KLHL3: variants seen among roughly 807,000 people sequenced by gnomAD.
The protein encoded by KLHL3 is kelch like family member 3, also known as kelch-like protein 3.
A neutral mutation model predicts 70.5 loss-of-function variants in KLHL3; 19 were observed. The ratio of observed to expected loss-of-function variants is 0.27; its 90% CI spans 0.19 to 0.40. KLHL3 has a LOEUF of 0.40. Among genes scored for constraint, KLHL3 ranks in the 10% least tolerant of loss-of-function variants. The pLI, the probability that KLHL3 is intolerant of heterozygous loss-of-function variation, is 1.00. For missense variants in KLHL3, 512 were observed against 771.1 expected, an observed-to-expected ratio of 0.66 and a Z score of 3.98; for synonymous variants, 258 against 290.3, an observed-to-expected ratio of 0.89 and a Z score of 1.13.
chr5:137,673,296 A>G (rs1751807340), intron 6 of KLHL3, among the ~76,000 whole-genome samples: 1 of 152,158 alleles, frequency 6.6e-6, no homozygotes, highest in Non-Finnish European at 1.5e-5. Context: ...CCAGCCTGCC[A>G]CCACTGGACA....
chr5:137,627,057 C>T (rs1239779773), intron 13 of KLHL3, among the ~76,000 whole-genome samples: 1 of 151,502 alleles, frequency 6.6e-6, no homozygotes, highest in Non-Finnish European at 1.5e-5. Flanking sequence ...AATGTGTGTA[C>T]TAATTTAGCT....
chr5:137,663,564 C>T (rs774250682), intron 6 of KLHL3, among the ~76,000 whole-genome samples: 49 of 151,438 alleles, frequency 3.2e-4, no homozygotes, highest in Non-Finnish European at 6.6e-4. Context: ...TATAAGATTG[C>T]TTATAATACC....
chr5:137,734,923 C>T (rs1354763044), intron 1 of KLHL3, among the ~76,000 whole-genome samples: 3 of 152,312 alleles, frequency 2.0e-5, no homozygotes, highest in East Asian at 3.9e-4. Context: ...CTAACTGCCT[C>T]GCTAGTTAGA....
intron 3 of KLHL3, among the ~76,000 whole-genome samples, chr5:137,700,229 C>T (rs1561612203): frequency 6.6e-6 from 1 of 152,224 alleles, no homozygotes; most frequent in Non-Finnish European, 1.5e-5. Flanking sequence ...CAAAAACATG[C>T]ATACACAAGG....
intron 1 of KLHL3, chr5:137,724,998 A>G (rs1753064495): frequency 1.0e-6 from 1 of 975,210 alleles, no homozygotes; most frequent in Non-Finnish European, 1.2e-6. Context: ...CTAAGGTCAC[A>G]TGCCCAGGCA....
chr5:137,680,725 G>A (rs913791210), intron 5 of KLHL3, among the ~76,000 whole-genome samples: 1 of 152,014 alleles, frequency 6.6e-6, no homozygotes, highest in African/African-American at 2.4e-5. Flanking sequence ...TGTATTTTTA[G>A]TAGAGACGGG....
intron 2 of KLHL3, 111 bp from the exon 3 acceptor site, chr5:137,709,967 C>G (rs1328800976): frequency 1.2e-6 from 1 of 812,202 alleles, no homozygotes; most frequent in African/African-American, 1.7e-5. Flanking sequence ...CTATACAAAG[C>G]TGTCACAGGG....
chr5:137,662,172 A>T lies in KLHL3; in HGVS notation c.637-141T>A. The T allele has an allele frequency of 8.3e-6, 5 of 602,876 alleles. No homozygotes were observed. In the South Asian group the frequency reaches 1.0e-4, roughly 12 times the overall value. 37.3% of individuals were successfully genotyped at this position (602,876 alleles called of 1,614,324 possible). ...AAGGTGTTTAATTAATCTGAGACTC[A>T]TATTTAAAATAAAAACAGAAAGGGT... On this transcript the variant is annotated intron_variant, in intron 6 of 14. Coordinates refer to ENST00000309755, the MANE Select transcript of KLHL3 (RefSeq NM_017415.3).
In KLHL3 at chr5:137,639,295, C is replaced by A. The variant is rs1400742209; in HGVS notation, c.1022-145G>T. 1.4e-6 allele frequency: 1 copy of A among 706,728 alleles called. No homozygotes were observed. The highest frequency in any genetic ancestry group is 2.4e-6 in the Non-Finnish European group (1 of 425,342). The allele number at this position is 706,728 out of a possible 1,614,324, so 43.8% of individuals were successfully genotyped here. On this transcript the variant is annotated intron_variant, in intron 9 of 14. Transcript: ENST00000309755. This position sits in a 1 kb window ranked among gnomAD's most constrained non-coding sequence, Gnocchi z 5.0. ...TATTTGGCAGTCATTATGGGATTCA[C>A]TGGATTTCTTTCCTACTTGCTTTTC... is the stretch of plus-strand genomic sequence containing the variant.
intron 12 of KLHL3, among the ~76,000 whole-genome samples, chr5:137,630,182 G>A (rs1750599160): frequency 6.6e-6 from 1 of 152,172 alleles, no homozygotes; most frequent in South Asian, 2.1e-4. Context: ...GCTGACCTGG[G>A]AGCCTGAGGC....
At position 137,619,248 on chromosome 5, in the gene KLHL3, G is replaced by A. The variant is rs1466263308; in HGVS notation, c.*2850C>T. 6.6e-6 allele frequency: 1 copy of A among 152,648 alleles called. No homozygotes were observed. Among genetic ancestry groups the A allele is most frequent in the African/African-American group, 2.4e-5 (1 of 41,452 alleles). 9.5% of individuals were successfully genotyped at this position (152,648 alleles called of 1,614,324 possible). On this transcript the variant is annotated 3_prime_UTR_variant, in exon 15 of 15. Coordinates refer to ENST00000309755, the MANE Select transcript of KLHL3 (RefSeq NM_017415.3). ...ATTGCAACTGGCTTGTCGGGAACTA[G>A]AATTAAGTATTCTTATTGCATAGCA...
rs1750326840 is a variant in KLHL3, at chr5:137,622,132, A to G, written c.1736-6T>C. On this transcript the variant is annotated splice_region_variant and splice_polypyrimidine_tract_variant and intron_variant, in intron 14 of 14. Coordinates refer to ENST00000309755, the MANE Select transcript of KLHL3 (RefSeq NM_017415.3). Reference sequence around the variant, plus strand: ...CTTGTGAATCACGGCAACACCTAATAAGAAAGGGGGAGAAAGTTATCATCT... The same window carrying G: ...CTTGTGAATCACGGCAACACCTAATGAGAAAGGGGGAGAAAGTTATCATCT... 1 of 1,614,066 alleles carries G rather than the reference A, an allele frequency of 6.2e-7. No individual in the cohort carries two copies. The highest frequency in any genetic ancestry group is 1.3e-5 in the African/African-American group (1 of 74,938).
chr5:137,641,321 A>G (rs1354900007), intron 8 of KLHL3, among the ~76,000 whole-genome samples: 1 of 152,176 alleles, frequency 6.6e-6, no homozygotes, highest in African/African-American at 2.4e-5. Flanking sequence ...CACCTAGAGG[A>G]CTTGTGAAAA....
Position 137,622,938 on chromosome 5 carries a change from G to A in KLHL3, c.1736-812C>T, listed in dbSNP as rs548656434. Among the ~76,000 whole-genome samples the A allele has an allele frequency of 1.3e-3, 199 of 152,328 alleles. 2 individuals carry two copies. Among genetic ancestry groups the A allele is most frequent in the African/African-American group, 4.6e-3 (192 of 41,580 alleles). ...CCCAGACTGCCTGGCAGCTAGATGT[G>A]CCACGTGACCCAGTGCTGGCCACTA... On this transcript the variant is annotated intron_variant, in intron 14 of 14. Coordinates refer to ENST00000309755, the MANE Select transcript of KLHL3 (RefSeq NM_017415.3).
In KLHL3 at chr5:137,639,221, G is replaced by A; in HGVS notation, c.1022-71C>T. 1.4e-6 allele frequency: 2 copies of A among 1,452,308 alleles called. No homozygotes were observed. The highest frequency in any genetic ancestry group is 1.2e-5 in the South Asian group (1 of 82,986). 90.0% of individuals were successfully genotyped at this position (1,452,308 alleles called of 1,614,324 possible). ...ACTGCTCATGTTGATGGATGGCAAT[G>A]GAGGAGCAAGACAGACACAGGAAAA... On this transcript the variant is annotated intron_variant, in intron 9 of 14. Transcript: ENST00000309755. The surrounding 1 kb of genome is among the most constrained non-coding windows in gnomAD (Gnocchi z 5.0).
Position 137,667,714 on chromosome 5 carries a change from C to T in KLHL3, c.637-5683G>A, listed in dbSNP as rs529750779. ...GCACTCCAGTTAAAAAGGCAGGGCA[C>T]TGACTTGGCAAGGGGAGAAGTTCAA... On this transcript the variant is annotated intron_variant, in intron 6 of 14. Transcript: ENST00000309755. 2.6e-5 allele frequency among the ~76,000 whole-genome samples: 4 copies of T among 152,256 alleles called. No homozygotes were observed. In the South Asian group the frequency reaches 8.3e-4, roughly 32 times the overall value.
chr5:137,634,314 A>T lies in KLHL3; in HGVS notation c.1322-149T>A, dbSNP rs1750715107. On this transcript the variant is annotated intron_variant, in intron 11 of 14. Transcript: ENST00000309755. ...CAGGGGACCACCAACTTACTCCTCA[A>T]CCAAGCAAAGCATCCTTCACATTTC... 5.0e-6 allele frequency: 4 copies of T among 805,704 alleles called. No individual in the cohort carries two copies. In the South Asian group the frequency reaches 7.7e-5, roughly 15 times the overall value. The allele number at this position is 805,704 out of a possible 1,614,324, so 49.9% of individuals were successfully genotyped here.
chr5:137,669,762 G>A (rs1232496444), intron 6 of KLHL3, among the ~76,000 whole-genome samples: 5 of 152,190 alleles, frequency 3.3e-5, no homozygotes, highest in African/African-American at 9.6e-5. Flanking sequence ...CTCCAAACAC[G>A]TGAGCATGAT....
intron 3 of KLHL3, 64 bp from the exon 4 acceptor site, chr5:137,698,472 A>T: frequency 6.3e-7 from 1 of 1,590,998 alleles, no homozygotes; most frequent in Non-Finnish European, 8.6e-7. Context: ...TACCTTCCAG[A>T]TGGTCTCCTG....
Sources: allele counts gnomAD v4.1 joint callset (sites outside exome capture counted in the v4.1 genomes callset), GRCh38; gene constraint gnomAD v4.1.1; non-coding constraint Gnocchi (gnomAD v3.1); transcripts MANE v1.5; gene names NCBI Gene and HGNC (gene_info 2026-07-23, HGNC 2026-07-21).